FBXL7: variants seen among roughly 807,000 people sequenced by gnomAD.
The protein encoded by FBXL7 is F-box/LRR-repeat protein 7.
FBXL7 carries 12 observed loss-of-function variants against 38.3 expected under a neutral mutation model. The observed-to-expected ratio is 0.31, with a 90% confidence interval of 0.20 to 0.51. The LOEUF (loss-of-function observed/expected upper bound fraction) is 0.51, where lower values mean the gene tolerates loss of function less well. Among genes scored for constraint, FBXL7 ranks in the 20% least tolerant of loss-of-function variants. The pLI is 0.98. For synonymous variants in FBXL7, 297 were observed against 300.9 expected (o/e 0.99, Z 0.13); for missense variants, 567 against 676.4 (o/e 0.84, Z 1.79).
At chr5:15,898,944 C>T (rs1741169948) in intron 2 of FBXL7, among the ~76,000 whole-genome samples, 2 of 151,912 alleles carry the variant, frequency 1.3e-5, no homozygotes, top group Non-Finnish European at 2.9e-5. Context: ...CTGAATAAGT[C>T]ACAGAGCTTT....
In FBXL7 at chr5:15,936,816, G is replaced by A. The variant is rs764226941; in HGVS notation, c.1106G>A (p.Arg369His). The A allele has an allele frequency of 1.2e-6, 2 of 1,613,064 alleles. No homozygotes were observed. The highest frequency in any genetic ancestry group is 2.2e-5 in the East Asian group (1 of 44,842). Residue 369 changes from arginine to histidine, a missense_variant, in exon 4 of 4, where the codon CGC becomes CAC. Physicochemically the swap from Arg to His is conservative, Grantham distance 29. Coordinates refer to ENST00000504595, the MANE Select transcript of FBXL7 (RefSeq NM_012304.5). The surrounding 1 kb of genome is among the most constrained non-coding windows in gnomAD (Gnocchi z 6.0). ...HCGRVTDVGI[R>H]YVAKYCSKLR... ...GGCCGGGTCACCGACGTGGGCATCC[G>A]CTACGTGGCCAAGTACTGCAGCAAG...
At chr5:15,602,754 T>C (rs1195745029) in intron 1 of FBXL7, among the ~76,000 whole-genome samples, 1 of 152,164 alleles carries the variant, frequency 6.6e-6, no homozygotes, top group African/African-American at 2.4e-5. Context: ...AATAAAATAC[T>C]CTTAAAAAAG....
intron 2 of FBXL7, among the ~76,000 whole-genome samples, chr5:15,912,967 C>A (rs1741478424): frequency 1.3e-5 from 2 of 152,084 alleles, no homozygotes; most frequent in Non-Finnish European, 1.5e-5. Context: ...GCAGAGAGAC[C>A]CTTAGCAGAG....
intron 2 of FBXL7, among the ~76,000 whole-genome samples, chr5:15,745,769 T>A (rs1351127106): frequency 6.6e-6 from 1 of 152,040 alleles, no homozygotes; most frequent in East Asian, 1.9e-4. Context: ...GTCAGGATGA[T>A]GGGGGAAGTT....
At chr5:15,567,468 A>G (rs1407397541) in intron 1 of FBXL7, among the ~76,000 whole-genome samples, 3 of 152,064 alleles carry the variant, frequency 2.0e-5, no homozygotes, top group Non-Finnish European at 4.4e-5. Context: ...GTGTGAGTTG[A>G]ATTAATAATT....
chr5:15,578,005 T>G (rs1240522533), intron 1 of FBXL7, among the ~76,000 whole-genome samples: 1 of 152,200 alleles, frequency 6.6e-6, no homozygotes, highest in Non-Finnish European at 1.5e-5. Context: ...GGATTCTGGG[T>G]CCTTGTTTAT....
At chr5:15,923,468 G>T (rs1007987502) in intron 2 of FBXL7, among the ~76,000 whole-genome samples, 4 of 151,946 alleles carry the variant, frequency 2.6e-5, no homozygotes, top group African/African-American at 7.3e-5. Context: ...TGTATGACAA[G>T]CTATTCATAG....
intron 2 of FBXL7, among the ~76,000 whole-genome samples, chr5:15,875,316 G>A (rs1481865280): frequency 2.6e-5 from 4 of 152,144 alleles, no homozygotes; most frequent in African/African-American, 9.7e-5. Context: ...AACCCTAGAA[G>A]AAAACCTAGG....
intron 2 of FBXL7, among the ~76,000 whole-genome samples, chr5:15,823,528 C>T (rs1738228052): frequency 1.3e-5 from 2 of 152,152 alleles, no homozygotes; most frequent in Non-Finnish European, 2.9e-5. Context: ...TCCAACCTCT[C>T]ATCAGTTTCA....
At chr5:15,826,830 G>C (rs1738326914) in intron 2 of FBXL7, among the ~76,000 whole-genome samples, 1 of 152,020 alleles carries the variant, frequency 6.6e-6, no homozygotes, top group South Asian at 2.1e-4. Flanking sequence ...AATGAGGAGA[G>C]TCTTGAAATA....
intron 1 of FBXL7, among the ~76,000 whole-genome samples, chr5:15,542,300 C>T (rs984484624): frequency 2.6e-5 from 4 of 152,070 alleles, no homozygotes; most frequent in Admixed American, 1.3e-4. Context: ...TTGCTTTTCA[C>T]ATAATTCTAC....
chr5:15,874,009 G>A (rs376482996), intron 2 of FBXL7, among the ~76,000 whole-genome samples: 5 of 151,994 alleles, frequency 3.3e-5, no homozygotes, highest in East Asian at 1.9e-4. Context: ...AGATCAATGC[G>A]AAAATACCCA....
intron 2 of FBXL7, among the ~76,000 whole-genome samples, chr5:15,818,682 A>C (rs1304122316): frequency 6.8e-6 from 1 of 148,140 alleles, no homozygotes; most frequent in Admixed American, 6.8e-5. Context: ...TATTGGAGTT[A>C]ATCTGAATGT....
At chr5:15,729,863 A>T (rs1441375953) in intron 2 of FBXL7, among the ~76,000 whole-genome samples, 2 of 152,190 alleles carry the variant, frequency 1.3e-5, no homozygotes, top group African/African-American at 4.8e-5. Context: ...CATTTTACAA[A>T]TGAGAAAAAT....
chr5:15,626,051 A>G lies in FBXL7; in HGVS notation c.127+9979A>G, dbSNP rs535213277. Among the ~76,000 whole-genome samples the G allele has an allele frequency of 1.8e-3, 270 of 152,246 alleles. 1 individual carries two copies. Among genetic ancestry groups the G allele is most frequent in the African/African-American group, 6.2e-3 (259 of 41,536 alleles). ...CTGTGTATGAGGAAGGTGATGACTG[A>G]TTATTATAAAGGTTTGTTTTCGTCT... is the stretch of plus-strand genomic sequence containing the variant. On this transcript the variant is annotated intron_variant, in intron 2 of 3. Coordinates refer to ENST00000504595, the MANE Select transcript of FBXL7 (RefSeq NM_012304.5).
At chr5:15,659,805 C>T (rs767241059) in intron 2 of FBXL7, among the ~76,000 whole-genome samples, 1 of 152,042 alleles carries the variant, frequency 6.6e-6, no homozygotes, top group Non-Finnish European at 1.5e-5. Context: ...ATGTCGTCAC[C>T]ATATAAAAGA....
At chr5:15,593,836 G>T (rs1739546013) in intron 1 of FBXL7, among the ~76,000 whole-genome samples, 1 of 152,104 alleles carries the variant, frequency 6.6e-6, no homozygotes, top group South Asian at 2.1e-4. Flanking sequence ...GAAAAATTCA[G>T]TGTATGTAAC....
chr5:15,597,577 C>T (rs1020199967), intron 1 of FBXL7, among the ~76,000 whole-genome samples: 2 of 151,254 alleles, frequency 1.3e-5, no homozygotes, highest in Non-Finnish European at 2.9e-5. Flanking sequence ...AAATTACGTT[C>T]CAACACAGTT....
At chr5:15,701,262 G>T (rs1192035191) in intron 2 of FBXL7, among the ~76,000 whole-genome samples, 1 of 152,170 alleles carries the variant, frequency 6.6e-6, no homozygotes, top group East Asian at 1.9e-4. Flanking sequence ...CGAAAAAGAA[G>T]CAAGAGAATC....
Sources: gnomAD v4.1 joint callset for allele counts (sites outside exome capture counted in the v4.1 genomes callset) on GRCh38, gnomAD v4.1.1 for gene constraint, Gnocchi (gnomAD v3.1) non-coding constraint, MANE v1.5 for transcripts, NCBI Gene and HGNC (gene_info 2026-07-23, HGNC 2026-07-21) for gene names.